The following SUCLG2 variants were observed in gnomAD, a reference collection of about 807,000 sequenced individuals.
SUCLG2 encodes the protein succinate--CoA ligase [GDP-forming] subunit beta, mitochondrial.
SUCLG2 carries 42 observed loss-of-function variants against 47.9 expected under a neutral mutation model. The ratio of observed to expected loss-of-function variants is 0.88; its 90% CI spans 0.69 to 1.14. SUCLG2 has a LOEUF of 1.14. Among genes scored for constraint, SUCLG2 ranks in the 50% most tolerant of loss-of-function variants. The probability of loss-of-function intolerance (pLI) is 0.00; values close to 1 mark genes in which losing one functional copy is unlikely to be tolerated. For synonymous variants in SUCLG2, 195 were observed against 197.3 expected, an observed-to-expected ratio of 0.99 and a Z score of 0.10; for missense variants, 571 against 525.9, an observed-to-expected ratio of 1.09 and a Z score of -0.84.
At chr3:67,607,328 A>G (rs994634246) in intron 2 of SUCLG2, among the ~76,000 whole-genome samples, 3 of 152,236 alleles carry the variant, frequency 2.0e-5, no homozygotes, top group Admixed American at 1.3e-4. Flanking sequence ...AATGAACACA[A>G]AATATCCTGT....
intron 1 of SUCLG2, among the ~76,000 whole-genome samples, chr3:67,633,005 T>C (rs1351031156): frequency 6.6e-6 from 1 of 152,222 alleles, no homozygotes; most frequent in Non-Finnish European, 1.5e-5. Flanking sequence ...TGTACAAAGA[T>C]ATTTTATAAT....
chr3:67,381,938 A>G (rs991195554), intron 10 of SUCLG2, among the ~76,000 whole-genome samples: 4 of 152,180 alleles, frequency 2.6e-5, no homozygotes. Flanking sequence ...CTTTTATTAC[A>G]CACAAGAGAA....
intron 4 of SUCLG2, among the ~76,000 whole-genome samples, chr3:67,524,649 A>AAAAAGTT (rs1255152845): frequency 1.1e-4 from 16 of 152,310 alleles, no homozygotes; most frequent in African/African-American, 3.6e-4. Flanking sequence ...TAATCTGGGG[A>AAAAAGTT]CTTATACTTT....
In SUCLG2 at chr3:67,416,026, C is replaced by T. The variant is rs549804660; in HGVS notation, c.1063-15175G>A. Among the ~76,000 whole-genome samples the T allele has an allele frequency of 2.6e-5, 4 of 152,310 alleles. No homozygotes were observed. In the South Asian group the frequency reaches 8.3e-4, roughly 32 times the overall value. On this transcript the variant is annotated intron_variant, in intron 9 of 10. Transcript: ENST00000307227. Reference sequence around the variant, plus strand: ...TCCAGCAAGGAACCAAGGCCTCAGGCCTCCTACCAACTGCCATGTGAGTCA... The same window carrying T: ...TCCAGCAAGGAACCAAGGCCTCAGGTCTCCTACCAACTGCCATGTGAGTCA...
chr3:67,490,608 G>A (rs1045999638), intron 9 of SUCLG2, among the ~76,000 whole-genome samples: 2 of 152,120 alleles, frequency 1.3e-5, no homozygotes, highest in African/African-American at 2.4e-5. Flanking sequence ...ACCTGTATCA[G>A]ACACCTCCCA....
At chr3:67,532,831 T>C (rs1706439226) in intron 2 of SUCLG2, among the ~76,000 whole-genome samples, 1 of 152,222 alleles carries the variant, frequency 6.6e-6, no homozygotes, top group South Asian at 2.1e-4. Context: ...AGCTGAATTA[T>C]AACAATGCTT....
At chr3:67,528,535 G>T (rs1575756909) in intron 3 of SUCLG2, among the ~76,000 whole-genome samples, 3 of 152,290 alleles carry the variant, frequency 2.0e-5, no homozygotes, top group African/African-American at 7.2e-5. Flanking sequence ...GTTGACTGAA[G>T]ATCCGACAGT....
intron 2 of SUCLG2, among the ~76,000 whole-genome samples, chr3:67,585,064 A>G (rs1180551168): frequency 6.6e-6 from 1 of 152,208 alleles, no homozygotes; most frequent in Non-Finnish European, 1.5e-5. Context: ...TTTATGATAT[A>G]CAATACATAA....
At chr3:67,434,851 C>T (rs1022236069) in intron 9 of SUCLG2, among the ~76,000 whole-genome samples, 1 of 152,170 alleles carries the variant, frequency 6.6e-6, no homozygotes, top group African/African-American at 2.4e-5. Context: ...GAGAACTGCA[C>T]CCAAAAGGGC....
intron 9 of SUCLG2, among the ~76,000 whole-genome samples, chr3:67,406,983 A>C (rs1702827511): frequency 6.6e-6 from 1 of 152,302 alleles, no homozygotes; most frequent in East Asian, 1.9e-4. Context: ...ATAGCTGGAT[A>C]ATGATAAAGG....
At chr3:67,568,453 A>T (rs1488573273) in intron 2 of SUCLG2, among the ~76,000 whole-genome samples, 1 of 152,252 alleles carries the variant, frequency 6.6e-6, no homozygotes, top group African/African-American at 2.4e-5. Context: ...AAAACGTGAG[A>T]AAATGAATGT....
intron 1 of SUCLG2, among the ~76,000 whole-genome samples, chr3:67,623,162 A>T (rs1700763897): frequency 1.3e-5 from 2 of 152,130 alleles, no homozygotes; most frequent in South Asian, 4.1e-4. Flanking sequence ...GTGGCAAAAG[A>T]GGGTCTGTGT....
At chr3:67,416,820 T>C (rs1000707445) in intron 9 of SUCLG2, among the ~76,000 whole-genome samples, 1 of 152,220 alleles carries the variant, frequency 6.6e-6, no homozygotes, top group Non-Finnish European at 1.5e-5. Flanking sequence ...ATATAGACTA[T>C]TGAAAATTAT....
intron 10 of SUCLG2, chr3:67,376,080 G>T (rs943289297): frequency 1.0e-6 from 1 of 985,326 alleles, no homozygotes; most frequent in African/African-American, 1.7e-5. Context: ...GCTTGCAAGA[G>T]GGAAATGAAC....
chr3:67,488,812 T>C (rs1705130379), intron 9 of SUCLG2, among the ~76,000 whole-genome samples: 1 of 152,228 alleles, frequency 6.6e-6, no homozygotes, highest in Non-Finnish European at 1.5e-5. Flanking sequence ...GGCATTATAC[T>C]TTGATTCATG....
At chr3:67,528,997 A>G in intron 3 of SUCLG2, 90 bp downstream of exon 3, 1 of 1,164,086 alleles carries the variant, frequency 8.6e-7, no homozygotes. Context: ...CTACCCCACC[A>G]CAACCAACCT....
chr3:67,541,833 T>C (rs1177071988), intron 2 of SUCLG2, among the ~76,000 whole-genome samples: 1 of 151,372 alleles, frequency 6.6e-6, no homozygotes, highest in Non-Finnish European at 1.5e-5. Flanking sequence ...AGAAACCCTG[T>C]AAGCTAGAAC....
chr3:67,409,019 C>A (rs897254565), intron 9 of SUCLG2: 1 of 1,535,146 alleles, frequency 6.5e-7, no homozygotes, highest in Non-Finnish European at 8.7e-7. Context: ...GTATTTCTTG[C>A]TTTCAAATTT....
chr3:67,415,196 T>C (rs1157784031), intron 9 of SUCLG2, among the ~76,000 whole-genome samples: 4 of 152,050 alleles, frequency 2.6e-5, no homozygotes, highest in African/African-American at 9.7e-5. Context: ...AATATTCGAA[T>C]GGAAAACTGT....
Sources: gnomAD v4.1 joint callset for allele counts (sites outside exome capture counted in the v4.1 genomes callset) on GRCh38, gnomAD v4.1.1 for gene constraint, MANE v1.5 for transcripts, NCBI Gene and HGNC (gene_info 2026-07-23, HGNC 2026-07-21) for gene names.